Variants in GFRA1 observed in about 807,000 individuals in gnomAD.
The protein encoded by GFRA1 is GDNF family receptor alpha-1.
Under a neutral mutation model 51.6 loss-of-function variants are expected in GFRA1, and 16 were observed. The observed-to-expected ratio is 0.31, with a 90% CI of 0.21 to 0.47. GFRA1 has a LOEUF of 0.47. Among genes scored for constraint, GFRA1 ranks in the 20% least tolerant of loss-of-function variants. The pLI is 1.00. For missense variants in GFRA1, 530 were observed against 594.3 expected, an observed-to-expected ratio of 0.89 and a Z score of 1.13; for synonymous variants, 270 against 241.3, an observed-to-expected ratio of 1.12 and a Z score of -1.10.
chr10:116,274,391 G>A (rs897109069), upstream of GFRA1, among the ~76,000 whole-genome samples: 6 of 152,224 alleles, frequency 3.9e-5, no homozygotes, highest in African/African-American at 1.4e-4. Flanking sequence ...GGGCCGCCGC[G>A]GAGGACAGAC....
At chr10:116,270,498 T>C (rs1843815427) in intron 3 of GFRA1, among the ~76,000 whole-genome samples, 2 of 152,194 alleles carry the variant, frequency 1.3e-5, no homozygotes, top group African/African-American at 2.4e-5. Context: ...CTGGCTCTCC[T>C]TGGAAAGAAG....
chr10:116,165,068 T>C (rs1442523058), intron 5 of GFRA1, among the ~76,000 whole-genome samples: 2 of 152,210 alleles, frequency 1.3e-5, no homozygotes, highest in African/African-American at 2.4e-5. Context: ...CTTCAGACTT[T>C]GTATTCTCTG....
chr10:116,103,436 CTA>C (rs1479790143), intron 6 of GFRA1, among the ~76,000 whole-genome samples: 1 of 152,204 alleles, frequency 6.6e-6, no homozygotes, highest in Non-Finnish European at 1.5e-5. Flanking sequence ...TTTCAACATG[CTA>C]CATCTATGTA....
At chr10:116,067,302 C>G (rs1329530796) in intron 9 of GFRA1, among the ~76,000 whole-genome samples, 1 of 152,214 alleles carries the variant, frequency 6.6e-6, no homozygotes, top group African/African-American at 2.4e-5. Context: ...CAAAATGGCC[C>G]TAAAACATCA....
At chr10:116,178,180 G>A (rs1217352256) in intron 5 of GFRA1, among the ~76,000 whole-genome samples, 1 of 152,088 alleles carries the variant, frequency 6.6e-6, no homozygotes, top group Non-Finnish European at 1.5e-5. Context: ...TCCCAACTGG[G>A]AAACTGGGAG....
At chr10:116,269,671 T>C (rs769677385) in intron 3 of GFRA1, 85 bp from the exon 4 acceptor site, 14 of 801,128 alleles carry the variant, frequency 1.7e-5, no homozygotes, top group South Asian at 2.8e-5. Context: ...ATTCTAATTA[T>C]GTTATGATTG....
Position 116,272,380 on chromosome 10 carries a change from C to T in GFRA1, c.-246-105G>A, listed in dbSNP as rs936668979. The T allele has an allele frequency of 2.0e-4, 82 of 415,084 alleles. No individual in the cohort carries two copies. Among genetic ancestry groups the T allele is most frequent in the African/African-American group, 1.5e-3 (73 of 49,670 alleles). 25.7% of individuals were successfully genotyped at this position (415,084 alleles called of 1,614,324 possible). ...TCCCGCCTTTGGGGAATTTCCAACA[C>T]CGGGGTGAGGACCCACCCCCACCCA... On this transcript the variant is annotated intron_variant, in intron 1 of 10. Transcript: ENST00000355422. The surrounding 1 kb of genome is among the most constrained non-coding windows in gnomAD (Gnocchi z 4.4).
At chr10:116,187,551 C>A (rs996546267) in intron 5 of GFRA1, among the ~76,000 whole-genome samples, 1 of 152,052 alleles carries the variant, frequency 6.6e-6, no homozygotes, top group South Asian at 2.1e-4. Flanking sequence ...TTAGTGGCAC[C>A]GATAATCCAA....
At chr10:116,066,761 C>T (rs943668894) in intron 9 of GFRA1, among the ~76,000 whole-genome samples, 1 of 152,226 alleles carries the variant, frequency 6.6e-6, no homozygotes, top group Non-Finnish European at 1.5e-5. Flanking sequence ...CCTTCCTCAT[C>T]CCCAGCAACA....
chr10:116,088,920 CAAAAAAAAAAAAA>C (rs58590152), intron 9 of GFRA1, among the ~76,000 whole-genome samples: 2 of 49,050 alleles, frequency 4.1e-5, no homozygotes, highest in South Asian at 1.4e-3. Flanking sequence ...GACTCTGTCT[CAAAAAAAAAAAAA>C]AAAAAAAAAA....
At chr10:116,097,320 G>A (rs1956640495) in intron 6 of GFRA1, among the ~76,000 whole-genome samples, 1 of 152,188 alleles carries the variant, frequency 6.6e-6, no homozygotes, top group African/African-American at 2.4e-5. Flanking sequence ...GAGTGGCACT[G>A]GGGAGGAGCC....
intron 6 of GFRA1, among the ~76,000 whole-genome samples, chr10:116,114,538 C>T (rs1295415969): frequency 6.6e-6 from 1 of 151,984 alleles, no homozygotes; most frequent in African/African-American, 2.4e-5. Context: ...GGGAATCTGC[C>T]CCCTCACAAA....
intron 5 of GFRA1, among the ~76,000 whole-genome samples, chr10:116,199,988 G>A (rs1309509487): frequency 3.3e-5 from 5 of 152,112 alleles, no homozygotes; most frequent in East Asian, 1.9e-4. Context: ...CCTCTTTTGC[G>A]AAGGACTGCC....
chr10:116,164,993 T>C (rs895532795), intron 5 of GFRA1, among the ~76,000 whole-genome samples: 6 of 152,220 alleles, frequency 3.9e-5, no homozygotes, highest in Non-Finnish European at 7.3e-5. Flanking sequence ...ATATTGTGCC[T>C]TCTCATTCCA....
chr10:116,109,906 A>G (rs1165894038), intron 6 of GFRA1, among the ~76,000 whole-genome samples: 1 of 152,144 alleles, frequency 6.6e-6, no homozygotes, highest in African/African-American at 2.4e-5. Flanking sequence ...CCCCCTGTAT[A>G]AAACACAGAC....
intron 4 of GFRA1, among the ~76,000 whole-genome samples, chr10:116,262,041 C>T (rs569407120): frequency 6.6e-6 from 1 of 151,806 alleles, no homozygotes; most frequent in Admixed American, 6.6e-5. Flanking sequence ...TCCCAGAGAA[C>T]AAAAAACAAA....
At chr10:116,160,968 A>G (rs1385796482) in intron 5 of GFRA1, among the ~76,000 whole-genome samples, 1 of 152,244 alleles carries the variant, frequency 6.6e-6, no homozygotes, top group Non-Finnish European at 1.5e-5. Context: ...AGCAGAAACC[A>G]GGACATACTC....
chr10:116,077,202 G>A (rs1955655005), intron 9 of GFRA1, among the ~76,000 whole-genome samples: 2 of 152,278 alleles, frequency 1.3e-5, no homozygotes, highest in South Asian at 4.1e-4. Context: ...CTAGTGCTTG[G>A]AAAATAGGCT....
At chr10:116,147,220 T>C (rs1958841175) in intron 5 of GFRA1, among the ~76,000 whole-genome samples, 1 of 152,168 alleles carries the variant, frequency 6.6e-6, no homozygotes, top group Non-Finnish European at 1.5e-5. Context: ...GAGAACACGC[T>C]GAGTGCGCTT....
Sources: gnomAD v4.1 joint callset for allele counts (sites outside exome capture counted in the v4.1 genomes callset) on GRCh38, gnomAD v4.1.1 for gene constraint, Gnocchi (gnomAD v3.1) non-coding constraint, MANE v1.5 for transcripts, NCBI Gene and HGNC (gene_info 2026-07-23, HGNC 2026-07-21) for gene names.